Variants in MAP2 observed in about 807,000 individuals in gnomAD.
MAP2 encodes microtubule-associated protein 2.
MAP2 carries 14 observed loss-of-function variants against 137.6 expected under a neutral mutation model. The ratio of observed to expected loss-of-function variants is 0.10; its 90% confidence interval spans 0.07 to 0.16. The LOEUF is 0.16. Among genes scored for constraint, MAP2 ranks in the 10% least tolerant of loss-of-function variants. The probability of loss-of-function intolerance (pLI) is 1.00; values close to 1 mark genes in which losing one functional copy is unlikely to be tolerated. For synonymous variants in MAP2, 786 were observed against 782.3 expected (o/e 1.00, Z -0.08); for missense variants, 2,088 against 2,191.5 (o/e 0.95, Z 0.94).
rs189322497 is a variant in MAP2, at chr2:209,437,984, T to C, written c.-222+13708T>C. 2.4e-4 allele frequency among the ~76,000 whole-genome samples: 36 copies of C among 151,752 alleles called. 1 individual carries two copies. The highest frequency in any genetic ancestry group is 2.0e-4 in the Admixed American group (3 of 15,168). ...CACCTTGAGTGATGAGCCATAGGTA[T>C]AGTCAGAACCAGATTTCAACAAATA... On this transcript the variant is annotated intron_variant, in intron 1 of 15. Transcript: ENST00000682079.
chr2:209,667,712 A>T (rs3768832), intron 5 of MAP2, among the ~76,000 whole-genome samples: 28,695 of 151,846 alleles, frequency 0.19, 3,906 homozygotes, highest in African/African-American at 0.38. Flanking sequence ...CATATCCTCA[A>T]CAAGCCCCAA....
chr2:209,718,521 C>G (rs565673823), intron 13 of MAP2, among the ~76,000 whole-genome samples: 4 of 151,856 alleles, frequency 2.6e-5, no homozygotes, highest in African/African-American at 9.7e-5. Flanking sequence ...TTTACAAATA[C>G]GTAAAAATGG....
chr2:209,498,056 C>G (rs2059960856), intron 1 of MAP2, among the ~76,000 whole-genome samples: 1 of 152,122 alleles, frequency 6.6e-6, no homozygotes, highest in African/African-American at 2.4e-5. Context: ...CAAGGCAAAT[C>G]CCTTCAATCT....
At chr2:209,590,049 C>T (rs1466816049) in intron 3 of MAP2, among the ~76,000 whole-genome samples, 1 of 152,066 alleles carries the variant, frequency 6.6e-6, no homozygotes, top group Non-Finnish European at 1.5e-5. Context: ...GAGGCAGACA[C>T]CCATGGGAAT....
At chr2:209,628,287 C>G (rs1224963875) in intron 4 of MAP2, among the ~76,000 whole-genome samples, 2 of 152,156 alleles carry the variant, frequency 1.3e-5, no homozygotes, top group Non-Finnish European at 2.9e-5. Context: ...ATCGCTTGAA[C>G]CCGGGAGACG....
chr2:209,685,158 C>A (rs1039614095), intron 7 of MAP2, among the ~76,000 whole-genome samples: 1 of 152,134 alleles, frequency 6.6e-6, no homozygotes, highest in Non-Finnish European at 1.5e-5. Flanking sequence ...ATTCTGCAAT[C>A]ACGGTTGCAC....
intron 11 of MAP2, 132 bp from the exon 12 acceptor site, chr2:209,705,448 A>G (rs1584095432): frequency 6.6e-6 from 4 of 602,474 alleles, no homozygotes; most frequent in Non-Finnish European, 1.0e-5. Flanking sequence ...GTTTATAAAT[A>G]TATGAAATCC....
intron 3 of MAP2, among the ~76,000 whole-genome samples, chr2:209,616,179 C>T (rs2153505281): frequency 6.7e-6 from 1 of 150,214 alleles, no homozygotes; most frequent in Admixed American, 6.6e-5. Context: ...CAGCTATAAC[C>T]AGCTTGTGGC....
At chr2:209,424,658 G>A (rs1274726754) in intron 1 of MAP2, among the ~76,000 whole-genome samples, 2 of 152,234 alleles carry the variant, frequency 1.3e-5, no homozygotes, top group Non-Finnish European at 2.9e-5. Flanking sequence ...GTGGAAAATA[G>A]GAAATCGAGG....
In MAP2 at chr2:209,424,155, C is replaced by CT. The variant is rs796350620; in HGVS notation, c.-338dup. 9.7e-6 allele frequency: 1 copy of CT among 102,606 alleles called. No homozygotes were observed. Among genetic ancestry groups the CT allele is most frequent in the Non-Finnish European group, 1.9e-5 (1 of 53,998 alleles). 6.4% of individuals were successfully genotyped at this position (102,606 alleles called of 1,614,324 possible). A position where few individuals can be genotyped will look rare whatever the true frequency, so the allele number is the denominator to read the frequency against. Reference sequence around the variant, plus strand: ...CCGCTTCTTTCTCTTCCTTCTCCTTCTTTTTCCCCCCCCTCCCCTTCTTCC... The same window carrying CT: ...CCGCTTCTTTCTCTTCCTTCTCCTTCTTTTTTCCCCCCCCTCCCCTTCTTCC... On this transcript the variant is annotated 5_prime_UTR_variant, in exon 1 of 16. Transcript: ENST00000682079.
intron 1 of MAP2, among the ~76,000 whole-genome samples, chr2:209,488,985 C>A (rs2058740187): frequency 6.6e-6 from 1 of 152,222 alleles, no homozygotes; most frequent in Non-Finnish European, 1.5e-5. Flanking sequence ...CCCCGTGCCA[C>A]CTAACAGGGA....
chr2:209,454,360 A>T (rs930903151), intron 1 of MAP2, among the ~76,000 whole-genome samples: 12 of 152,062 alleles, frequency 7.9e-5, no homozygotes, highest in Non-Finnish European at 1.5e-4. Context: ...AGAGAGATGG[A>T]GTCTCGCTCT....
chr2:209,501,518 T>C (rs543157837), intron 1 of MAP2, among the ~76,000 whole-genome samples: 6 of 152,222 alleles, frequency 3.9e-5, no homozygotes, highest in Non-Finnish European at 7.3e-5. Context: ...ACATTTCTCT[T>C]ACCTTTTAGG....
intron 3 of MAP2, among the ~76,000 whole-genome samples, chr2:209,580,925 A>G (rs998719706): frequency 6.6e-6 from 1 of 152,150 alleles, no homozygotes; most frequent in African/African-American, 2.4e-5. Context: ...AATGGAAGAC[A>G]TTTTCTGCCC....
intron 2 of MAP2, among the ~76,000 whole-genome samples, chr2:209,560,389 A>G (rs530759051): frequency 3.3e-5 from 5 of 152,204 alleles, no homozygotes; most frequent in Non-Finnish European, 7.3e-5. Context: ...AAGATTTTTT[A>G]AAATTGCAAA....
intron 4 of MAP2, among the ~76,000 whole-genome samples, chr2:209,650,044 T>C (rs1459971154): frequency 6.6e-6 from 1 of 152,238 alleles, no homozygotes; most frequent in African/African-American, 2.4e-5. Flanking sequence ...TATTTAAGTG[T>C]TGGTTTGCTA....
chr2:209,593,634 A>AAAAAAAATATAT (rs1286103137), intron 3 of MAP2, among the ~76,000 whole-genome samples: 2 of 33,642 alleles, frequency 5.9e-5, no homozygotes, highest in Non-Finnish European at 9.8e-5. Flanking sequence ...AAAAAAAAAA[A>AAAAAAAATATAT]ATATATATAT....
intron 2 of MAP2, among the ~76,000 whole-genome samples, chr2:209,552,506 C>T (rs2069416732): frequency 6.6e-6 from 1 of 152,222 alleles, no homozygotes; most frequent in African/African-American, 2.4e-5. Context: ...TTACTACCAT[C>T]ATCTCCCATA....
intron 1 of MAP2, among the ~76,000 whole-genome samples, chr2:209,442,430 C>G (rs564135949): frequency 8.6e-5 from 13 of 151,616 alleles, no homozygotes; most frequent in African/African-American, 2.7e-4. Flanking sequence ...GTCCAAATGA[C>G]TAAAGATCAG....
Sources: gnomAD v4.1 joint callset for allele counts (sites outside exome capture counted in the v4.1 genomes callset) on GRCh38, gnomAD v4.1.1 for gene constraint, MANE v1.5 for transcripts, NCBI Gene and HGNC (gene_info 2026-07-23, HGNC 2026-07-21) for gene names.